The following ST6GALNAC3 variants were observed in gnomAD, a reference collection of about 807,000 sequenced individuals.
ST6GALNAC3 encodes the protein alpha-N-acetylgalactosaminide alpha-2,6-sialyltransferase 3.
A neutral mutation model predicts 32.7 loss-of-function variants in ST6GALNAC3; 25 were observed. That is an observed-to-expected ratio of 0.76 (90% CI 0.56 to 1.07). The LOEUF (loss-of-function observed/expected upper bound fraction) is 1.07. Among genes scored for constraint, ST6GALNAC3 ranks in the 50% least tolerant of loss-of-function variants. The pLI, the probability that ST6GALNAC3 is intolerant of heterozygous loss-of-function variation, is 0.00. For synonymous variants in ST6GALNAC3, 129 were observed against 133.1 expected, an observed-to-expected ratio of 0.97 and a Z score of 0.21; for missense variants, 355 against 382.4, an observed-to-expected ratio of 0.93 and a Z score of 0.60.
chr1:76,312,592 T>TA lies in ST6GALNAC3; in HGVS notation c.19-1206dup, dbSNP rs963757966. ...CAAATTTACAAAAAAAAAATAAAAATAAAAAAATAAACAGCCCCATCAAAA... is the reference window on the plus strand; with the variant it reads ...CAAATTTACAAAAAAAAAATAAAAATAAAAAAAATAAACAGCCCCATCAAAA... On this transcript the variant is annotated intron_variant, in intron 1 of 4. Transcript: ENST00000328299. Among the ~76,000 whole-genome samples the TA allele has an allele frequency of 3.6e-4, 54 of 151,428 alleles. 1 individual carries two copies. The highest frequency in any genetic ancestry group is 1.3e-3 in the African/African-American group (52 of 41,268).
chr1:76,602,398 AGT>A (rs1344469017), intron 3 of ST6GALNAC3, among the ~76,000 whole-genome samples: 1 of 152,030 alleles, frequency 6.6e-6, no homozygotes, highest in Non-Finnish European at 1.5e-5. Flanking sequence ...GGGTGAAAAA[AGT>A]GTTTAAGTGG....
intron 3 of ST6GALNAC3, among the ~76,000 whole-genome samples, chr1:76,453,691 G>A (rs1049245445): frequency 1.3e-5 from 2 of 152,028 alleles, no homozygotes; most frequent in African/African-American, 2.4e-5. Context: ...TTGTTTTGTG[G>A]CCTGTCATAT....
intron 2 of ST6GALNAC3, among the ~76,000 whole-genome samples, chr1:76,400,530 T>A (rs1389796251): frequency 6.6e-6 from 1 of 152,150 alleles, no homozygotes; most frequent in African/African-American, 2.4e-5. Context: ...AAAATAACAA[T>A]GATTTTTTAG....
rs1162514593 is a variant in ST6GALNAC3, at chr1:76,576,832, C to A, written c.624-50620C>A. On this transcript the variant is annotated intron_variant, in intron 3 of 4. Transcript: ENST00000328299. ...TTTCTTCTGCCATTTCTTCTCCATT[C>A]CCATGATATCCAGTACAGAGTGACC... is the stretch of plus-strand genomic sequence containing the variant. 6.1e-6 allele frequency: 8 copies of A among 1,304,522 alleles called. No homozygotes were observed. In the East Asian group the frequency reaches 4.4e-4, roughly 72 times the overall value. The allele number at this position is 1,304,522 out of a possible 1,614,324, so 80.8% of individuals were successfully genotyped here.
At chr1:76,190,703 T>C (rs1397176380) in intron 1 of ST6GALNAC3, among the ~76,000 whole-genome samples, 4 of 152,038 alleles carry the variant, frequency 2.6e-5, no homozygotes, top group Non-Finnish European at 5.9e-5. Flanking sequence ...CTTACAGAGG[T>C]CTCATCATTG....
intron 2 of ST6GALNAC3, among the ~76,000 whole-genome samples, chr1:76,373,540 G>T (rs895681940): frequency 6.6e-6 from 1 of 152,172 alleles, no homozygotes; most frequent in African/African-American, 2.4e-5. Context: ...AATAAGCAAA[G>T]GTGAGTGTGT....
At chr1:76,637,264 A>T (rs1408127679), downstream of ST6GALNAC3, 1 of 152,226 alleles carries the variant, frequency 6.6e-6, no homozygotes, top group Non-Finnish European at 1.5e-5. Flanking sequence ...TACAACATAT[A>T]CAATCAGATT....
At chr1:76,391,159 C>T (rs2101153626) in intron 2 of ST6GALNAC3, among the ~76,000 whole-genome samples, 1 of 152,160 alleles carries the variant, frequency 6.6e-6, no homozygotes, top group African/African-American at 2.4e-5. Context: ...CCAGGATGGT[C>T]TCGATCTCAT....
At chr1:76,146,667 G>C (rs1650702516) in intron 1 of ST6GALNAC3, among the ~76,000 whole-genome samples, 1 of 152,044 alleles carries the variant, frequency 6.6e-6, no homozygotes, top group South Asian at 2.1e-4. Flanking sequence ...AGTTAGTCCT[G>C]CCAGGTTTTA....
intron 3 of ST6GALNAC3, among the ~76,000 whole-genome samples, chr1:76,428,720 A>C (rs929100636): frequency 6.6e-6 from 1 of 152,192 alleles, no homozygotes; most frequent in Non-Finnish European, 1.5e-5. Flanking sequence ...TGTAATCATT[A>C]AAATTATAAT....
Position 76,630,353 on chromosome 1 carries a change from T to A in ST6GALNAC3, c.*1547T>A. 1.0e-6 allele frequency: 1 copy of A among 984,932 alleles called. No homozygotes were observed. Among genetic ancestry groups the A allele is most frequent in the Non-Finnish European group, 1.2e-6 (1 of 829,734 alleles). 61.0% of individuals were successfully genotyped at this position (984,932 alleles called of 1,614,324 possible). A position where few individuals can be genotyped will look rare whatever the true frequency, so the allele number is the denominator to read the frequency against. On this transcript the variant is annotated 3_prime_UTR_variant, in exon 5 of 5. Coordinates refer to ENST00000328299, the MANE Select transcript of ST6GALNAC3 (RefSeq NM_152996.4). ...ATATACACGTGTGGTTCTATTTAGG[T>A]GGGGAAAAAATGAAAAAGCAGGGAC...
chr1:76,229,988 A>G (rs2100634297), intron 1 of ST6GALNAC3, among the ~76,000 whole-genome samples: 1 of 152,346 alleles, frequency 6.6e-6, no homozygotes, highest in Admixed American at 6.5e-5. Context: ...ATTATCCTCA[A>G]AAGATTTGGA....
chr1:76,196,978 G>A (rs935523267), intron 1 of ST6GALNAC3, among the ~76,000 whole-genome samples: 3 of 152,180 alleles, frequency 2.0e-5, no homozygotes, highest in Non-Finnish European at 2.9e-5. Flanking sequence ...AGCTGGGACT[G>A]TAACTGGTTC....
chr1:76,552,312 A>T (rs1664687254), intron 3 of ST6GALNAC3, among the ~76,000 whole-genome samples: 1 of 152,146 alleles, frequency 6.6e-6, no homozygotes. Context: ...CCTTTCCCCC[A>T]CATTGGAGAG....
At chr1:76,096,166 GGAAA>G (rs1647128148) in intron 1 of ST6GALNAC3, among the ~76,000 whole-genome samples, 1 of 152,124 alleles carries the variant, frequency 6.6e-6, no homozygotes, top group Non-Finnish European at 1.5e-5. Flanking sequence ...GCGGGGAGAT[GGAAA>G]GAAACAATTT....
In ST6GALNAC3 at chr1:76,393,273, C is replaced by T. The variant is rs184172191; in HGVS notation, c.214-18735C>T. Among the ~76,000 whole-genome samples, 569 of 152,194 alleles carry T rather than the reference C, an allele frequency of 3.7e-3. 3 individuals are homozygous for T. Among genetic ancestry groups the T allele is most frequent in the African/African-American group, 0.013 (542 of 41,510 alleles). ...GACAGGTTAGTGGAATCTTTAAGGC[C>T]GTGGCTGTCTTTTGAAGCTTATAGT... On this transcript the variant is annotated intron_variant, in intron 2 of 4. Transcript: ENST00000328299.
intron 1 of ST6GALNAC3, among the ~76,000 whole-genome samples, chr1:76,126,583 C>T (rs1649267078): frequency 6.6e-6 from 1 of 152,164 alleles, no homozygotes; most frequent in Non-Finnish European, 1.5e-5. Flanking sequence ...ATATAGGGTA[C>T]TGTCTCCTGA....
rs1414911089 is a variant in ST6GALNAC3 at position 76,628,707 on chromosome 1, A to T, written c.819A>T (p.Pro273=). 9.9e-6 allele frequency: 16 copies of T among 1,612,532 alleles called. 1 individual carries two copies. In the East Asian group the frequency reaches 3.6e-4, roughly 36 times the overall value. Residue 273 remains proline (P), a synonymous_variant, in exon 5 of 5, where the codon CCA becomes CCT. Transcript: ENST00000328299. ...AATATTTTCTTCATGAACATGCCCC[A>T]TATGGGGGTCATAGGTTTATCACTG... ...CDEYFLHEHA[P]YGGHRFITEK... is the part of the protein sequence containing the mutation.
chr1:76,470,186 T>C (rs1658923169), intron 3 of ST6GALNAC3, among the ~76,000 whole-genome samples: 1 of 152,024 alleles, frequency 6.6e-6, no homozygotes, highest in Non-Finnish European at 1.5e-5. Context: ...CTTTCTAAAA[T>C]CTAGGTTCGG....
Sources: allele counts gnomAD v4.1 joint callset (sites outside exome capture counted in the v4.1 genomes callset), GRCh38; gene constraint gnomAD v4.1.1; transcripts MANE v1.5; gene names NCBI Gene and HGNC (gene_info 2026-07-23, HGNC 2026-07-21).